ADAMTSL1: variants seen among roughly 807,000 people sequenced by gnomAD.
The protein encoded by ADAMTSL1 is ADAMTS-like protein 1.
ADAMTSL1 carries 126 observed loss-of-function variants against 201.8 expected under a neutral mutation model. The ratio of observed to expected loss-of-function variants is 0.62; its 90% CI spans 0.54 to 0.72. The LOEUF is 0.72. ADAMTSL1 is among the 30% of genes least tolerant of loss of function. The pLI, the probability that ADAMTSL1 is intolerant of heterozygous loss-of-function variation, is 0.00. For synonymous variants in ADAMTSL1, 1,121 were observed against 903.4 expected (o/e 1.24, Z -4.32); for missense variants, 2,679 against 2,277.8 (o/e 1.18, Z -3.59).
At chr9:18,829,788 C>A in intron 22 of ADAMTSL1, 55 bp from the exon 23 acceptor site, 1 of 1,608,284 alleles carries the variant, frequency 6.2e-7, no homozygotes, top group Admixed American at 1.7e-5. Flanking sequence ...CTTCCTCTTG[C>A]CTTGACACAG....
intron 2 of ADAMTSL1, among the ~76,000 whole-genome samples, chr9:18,257,081 G>A (rs1476310858): frequency 6.6e-6 from 1 of 152,058 alleles, no homozygotes; most frequent in East Asian, 1.9e-4. Context: ...TTGATGTACA[G>A]GTAGAATGTT....
At chr9:18,215,977 C>T (rs914186307) in intron 2 of ADAMTSL1, among the ~76,000 whole-genome samples, 2 of 152,250 alleles carry the variant, frequency 1.3e-5, no homozygotes, top group Non-Finnish European at 1.5e-5. Flanking sequence ...CTCAAACCTT[C>T]GTAAAGATTA....
intron 13 of ADAMTSL1, among the ~76,000 whole-genome samples, chr9:18,702,046 C>T (rs139388476): frequency 2.0e-4 from 31 of 152,316 alleles, no homozygotes; most frequent in Middle Eastern, 3.4e-3. Flanking sequence ...TCACATCTTA[C>T]ATGGATAGCG....
At chr9:18,714,519 A>G (rs1832798561) in intron 14 of ADAMTSL1, among the ~76,000 whole-genome samples, 2 of 142,058 alleles carry the variant, frequency 1.4e-5, no homozygotes, top group African/African-American at 5.2e-5. Context: ...ATTCCTCAAC[A>G]CATACACTCT....
chr9:18,219,261 C>A (rs1248810785), intron 2 of ADAMTSL1, among the ~76,000 whole-genome samples: 1 of 151,706 alleles, frequency 6.6e-6, no homozygotes, highest in Non-Finnish European at 1.5e-5. Context: ...GCATGGTGGG[C>A]CTTATAGATT....
intron 2 of ADAMTSL1, among the ~76,000 whole-genome samples, chr9:18,360,007 G>A (rs1054094305): frequency 5.3e-5 from 8 of 151,994 alleles, no homozygotes; most frequent in African/African-American, 1.9e-4. Context: ...GCAGATTAGA[G>A]ATTAAAACAT....
intron 23 of ADAMTSL1, among the ~76,000 whole-genome samples, chr9:18,867,630 G>C (rs943591708): frequency 6.6e-6 from 1 of 151,988 alleles, no homozygotes; most frequent in Non-Finnish European, 1.5e-5. Flanking sequence ...ATTGAAATGC[G>C]TACATCTTTT....
At chr9:18,895,293 A>C (rs1171101783) in intron 26 of ADAMTSL1, among the ~76,000 whole-genome samples, 2 of 152,194 alleles carry the variant, frequency 1.3e-5, no homozygotes, top group Non-Finnish European at 2.9e-5. Flanking sequence ...ACAACTAGAC[A>C]CTGGCTAAAC....
chr9:18,558,654 C>T (rs1435428525), intron 3 of ADAMTSL1, among the ~76,000 whole-genome samples: 1 of 152,200 alleles, frequency 6.6e-6, no homozygotes, highest in Admixed American at 6.5e-5. Context: ...TATTTCTCCA[C>T]ATCCTCTCCA....
intron 20 of ADAMTSL1, among the ~76,000 whole-genome samples, chr9:18,813,516 C>A (rs886272734): frequency 6.6e-6 from 1 of 152,106 alleles, no homozygotes. Flanking sequence ...ATGTTTTATA[C>A]TTTTCAGTGT....
At chr9:18,595,249 A>T (rs546390582) in intron 4 of ADAMTSL1, among the ~76,000 whole-genome samples, 1 of 152,282 alleles carries the variant, frequency 6.6e-6, no homozygotes, top group Admixed American at 6.5e-5. Context: ...CCCTTACTGC[A>T]GTGAAAGGGG....
intron 2 of ADAMTSL1, among the ~76,000 whole-genome samples, chr9:18,224,919 A>T (rs1451939521): frequency 6.6e-6 from 1 of 151,992 alleles, no homozygotes; most frequent in Non-Finnish European, 1.5e-5. Context: ...TTGTTTTGTT[A>T]ATTTTTTCCC....
chr9:18,470,260 A>T (rs559730805), upstream of ADAMTSL1, among the ~76,000 whole-genome samples: 1 of 152,194 alleles, frequency 6.6e-6, no homozygotes, highest in Non-Finnish European at 1.5e-5. Flanking sequence ...ACATTAGATC[A>T]TGTGTGAAAG....
chr9:18,826,161 A>T, intron 21 of ADAMTSL1, 123 bp from the exon 22 acceptor site: 1 of 1,152,628 alleles, frequency 8.7e-7, no homozygotes, highest in Non-Finnish European at 1.2e-6. Context: ...AAAGCCTGGT[A>T]GAAGATGTCC....
At chr9:18,749,826 A>G (rs997112454) in intron 15 of ADAMTSL1, among the ~76,000 whole-genome samples, 1 of 152,232 alleles carries the variant, frequency 6.6e-6, no homozygotes, top group Non-Finnish European at 1.5e-5. Context: ...CGTCCTTGAG[A>G]ATGCAGTGCA....
chr9:18,771,864 T>C (rs544001424), intron 17 of ADAMTSL1, among the ~76,000 whole-genome samples: 1 of 152,248 alleles, frequency 6.6e-6, no homozygotes, highest in South Asian at 2.1e-4. Context: ...TTAGAATTCT[T>C]GCCCATATCT....
In ADAMTSL1 at chr9:18,393,183, C is replaced by T. The variant is rs140607866; in HGVS notation, c.208-111646C>T. 2.3e-3 allele frequency among the ~76,000 whole-genome samples: 344 copies of T among 152,284 alleles called. 1 individual carries two copies. The highest frequency in any genetic ancestry group is 7.8e-3 in the African/African-American group (324 of 41,548). On this transcript the variant is annotated intron_variant, in intron 2 of 29. Coordinates refer to the ADAMTSL1 transcript ENST00000680146. ...ACTCCAACTTACACAGTCTATTATC[C>T]TTTATACAAAATATAATTATTTTCA...
chr9:18,008,473 C>G (rs952662009), intron 1 of ADAMTSL1, among the ~76,000 whole-genome samples: 3 of 151,938 alleles, frequency 2.0e-5, no homozygotes, highest in Non-Finnish European at 4.4e-5. Context: ...TAAGTTAGGA[C>G]AGGCTTTACA....
chr9:17,938,703 AAG>A (rs1763381703), intron 1 of ADAMTSL1, among the ~76,000 whole-genome samples: 2 of 152,144 alleles, frequency 1.3e-5, no homozygotes, highest in Admixed American at 1.3e-4. Flanking sequence ...TTCCTCCGAC[AAG>A]ATCCTTCATT....
Sources: allele counts gnomAD v4.1 joint callset (sites outside exome capture counted in the v4.1 genomes callset), GRCh38; gene constraint gnomAD v4.1.1; transcripts MANE v1.5; gene names NCBI Gene and HGNC (gene_info 2026-07-23, HGNC 2026-07-21).